Variants in GFPT1 observed in about 807,000 individuals in gnomAD.
The protein encoded by GFPT1 is glutamine--fructose-6-phosphate transaminase 1, also known as glutamine--fructose-6-phosphate aminotransferase [isomerizing] 1.
GFPT1 carries 40 observed loss-of-function variants against 92.0 expected under a neutral mutation model. The observed-to-expected ratio is 0.43, with a 90% CI of 0.34 to 0.57. The LOEUF (loss-of-function observed/expected upper bound fraction) is 0.57, where lower values mean the gene tolerates loss of function less well. Ranked by LOEUF, GFPT1 falls within the 20% of genes least tolerant of loss-of-function variation. The probability of loss-of-function intolerance (pLI) is 0.02; values close to 1 mark genes in which losing one functional copy is unlikely to be tolerated. For missense variants in GFPT1, 448 were observed against 869.1 expected (o/e 0.52, Z 6.09); for synonymous variants, 269 against 280.6 (o/e 0.96, Z 0.41).
chr2:69,354,130 T>C (rs1431909781), intron 9 of GFPT1, 129 bp downstream of exon 9: 2 of 547,588 alleles, frequency 3.7e-6, no homozygotes, highest in African/African-American at 3.8e-5. Context: ...TGTCAAAATA[T>C]GCTTCCCCAC....
rs147413918 is a variant in GFPT1, at chr2:69,365,678, T to C, written c.224-2008A>G. Among the ~76,000 whole-genome samples, 721 of 152,294 alleles carry C rather than the reference T, an allele frequency of 4.7e-3. 10 individuals carry two copies. The highest frequency in any genetic ancestry group is 0.012 in the Admixed American group (179 of 15,294). On this transcript the variant is annotated intron_variant, in intron 3 of 19. Transcript: ENST00000357308. ...TGGCTCAATCTATCAATGAATAAAC[T>C]CAGGCATCTATTCTTTCCTGGCTTA...
chr2:69,382,839 C>A (rs1056632752), intron 1 of GFPT1, among the ~76,000 whole-genome samples: 6 of 152,178 alleles, frequency 3.9e-5, no homozygotes, highest in Admixed American at 2.6e-4. Context: ...GAAACCCAAA[C>A]CCCAGAGCTC....
chr2:69,320,892 G>A lies in GFPT1; in HGVS notation c.*5297C>T, dbSNP rs763718729. On this transcript the variant is annotated 3_prime_UTR_variant, in exon 20 of 20. Coordinates refer to ENST00000357308, the MANE Select transcript of GFPT1 (RefSeq NM_001244710.2). ...GAGGGAGAGGTGGAGGAGGGAGAGA[G>A]AGAGAGAGACCAAAGACTGGGCTGA... The A allele has an allele frequency of 1.3e-5, 2 of 152,204 alleles. No homozygotes were observed. Among genetic ancestry groups the A allele is most frequent in the African/African-American group, 2.4e-5 (1 of 41,420 alleles). 9.4% of individuals were successfully genotyped at this position (152,204 alleles called of 1,614,324 possible).
At chr2:69,370,166 T>A (rs1671710125) in intron 2 of GFPT1, 58 bp from the exon 3 acceptor site, 1 of 970,722 alleles carries the variant, frequency 1.0e-6, no homozygotes, top group Non-Finnish European at 1.7e-6. Context: ...ATAAAATTAT[T>A]AATGTGAGGC....
At chr2:69,361,961 G>A (rs1188951118) in intron 4 of GFPT1, among the ~76,000 whole-genome samples, 3 of 152,110 alleles carry the variant, frequency 2.0e-5, no homozygotes, top group Admixed American at 6.6e-5. Context: ...CCTGGGTGGA[G>A]GAGTGAGACC....
At chr2:69,339,436 C>T (rs1436629586) in intron 13 of GFPT1, among the ~76,000 whole-genome samples, 1 of 152,280 alleles carries the variant, frequency 6.6e-6, no homozygotes, top group African/African-American at 2.4e-5. Flanking sequence ...CTGTGCAAAA[C>T]GTAGTTTAAC....
rs1426285273 is a variant in GFPT1, at chr2:69,321,064, C to A, written c.*5125G>T. On this transcript the variant is annotated 3_prime_UTR_variant, in exon 20 of 20. Transcript: ENST00000357308. ...AGGATTCTGTAAGGGAAACTTTGCT[C>A]TATAATTAACAGAGAGCCAGATATT... 1.3e-5 allele frequency: 2 copies of A among 152,226 alleles called. No individual in the cohort carries two copies. The highest frequency in any genetic ancestry group is 6.5e-5 in the Admixed American group (1 of 15,282). The allele number at this position is 152,226 out of a possible 1,614,324, so 9.4% of individuals were successfully genotyped here.
rs1000587018 is a variant in GFPT1 at position 69,354,623 on chromosome 2, T to C, written c.606-55A>G. 6.9e-6 allele frequency: 7 copies of C among 1,011,994 alleles called. No individual in the cohort carries two copies. The African/African-American group carries it at 9.5e-5, about 14-fold the overall frequency. The allele number at this position is 1,011,994 out of a possible 1,614,324, so 62.7% of individuals were successfully genotyped here. A position where few individuals can be genotyped will look rare whatever the true frequency, so the allele number is the denominator to read the frequency against. On this transcript the variant is annotated intron_variant, in intron 7 of 19. Coordinates refer to ENST00000357308, the MANE Select transcript of GFPT1 (RefSeq NM_001244710.2). ...ACCATTTTTATAAATAATGGACTAA[T>C]GACATAAAATTTAATGGGCCAATAC...
At chr2:69,360,068 C>T (rs957810434) in intron 4 of GFPT1, among the ~76,000 whole-genome samples, 2 of 152,104 alleles carry the variant, frequency 1.3e-5, no homozygotes, top group Admixed American at 1.3e-4. Context: ...TGGCTCATGC[C>T]TGTAATCCCA....
At chr2:69,370,750 A>G (rs1661030336) in intron 2 of GFPT1, among the ~76,000 whole-genome samples, 1 of 152,188 alleles carries the variant, frequency 6.6e-6, no homozygotes, top group African/African-American at 2.4e-5. Context: ...GAAAAGTGGA[A>G]CTGACTGAAT....
chr2:69,342,268 T>C lies in GFPT1; in HGVS notation c.1106-19A>G. 2 of 1,454,052 alleles carry C rather than the reference T, an allele frequency of 1.4e-6. No individual in the cohort carries two copies. The highest frequency in any genetic ancestry group is 1.9e-6 in the Non-Finnish European group (2 of 1,034,212). The allele number at this position is 1,454,052 out of a possible 1,614,324, so 90.1% of individuals were successfully genotyped here. A position where few individuals can be genotyped will look rare whatever the true frequency, so the allele number is the denominator to read the frequency against. Reference sequence around the variant, plus strand: ...AAATTCACTGAAATAAAAGTTTGTGTACATAATTATTTAGCAAAGAACCAT... The same window carrying C: ...AAATTCACTGAAATAAAAGTTTGTGCACATAATTATTTAGCAAAGAACCAT... On this transcript the variant is annotated intron_variant, in intron 12 of 19. Transcript: ENST00000357308.
intron 16 of GFPT1, 83 bp from the exon 17 acceptor site, chr2:69,329,507 G>A (rs1466067870): frequency 1.8e-6 from 2 of 1,113,702 alleles, no homozygotes; most frequent in Non-Finnish European, 2.7e-6. Flanking sequence ...CAAAAGACCA[G>A]TGTTTCTATT....
intron 15 of GFPT1, among the ~76,000 whole-genome samples, chr2:69,335,092 A>C (rs959832458): frequency 2.6e-5 from 4 of 152,014 alleles, no homozygotes; most frequent in African/African-American, 9.7e-5. Context: ...CTGCAGCCTC[A>C]AACTCTCAGG....
chr2:69,371,754 G>A (rs888783277), intron 2 of GFPT1, among the ~76,000 whole-genome samples: 59 of 151,286 alleles, frequency 3.9e-4, no homozygotes, highest in African/African-American at 1.3e-3. Flanking sequence ...GGAGAATGGC[G>A]TGAACCCGGG....
In GFPT1 at chr2:69,375,355, C is replaced by G. The variant is rs148553013; in HGVS notation, c.8-1242G>C. ...ACTCCCAAAAAACTAGTCTTCATTT[C>G]CATCTGAAAAGAGACATTTACTTCT... On this transcript the variant is annotated intron_variant, in intron 1 of 19. Transcript: ENST00000357308. 4.7e-3 allele frequency among the ~76,000 whole-genome samples: 720 copies of G among 152,264 alleles called. 10 individuals carry two copies. The highest frequency in any genetic ancestry group is 0.012 in the Admixed American group (180 of 15,288).
At chr2:69,370,152 A>C in intron 2 of GFPT1, 44 bp from the exon 3 acceptor site, 1 of 1,152,898 alleles carries the variant, frequency 8.7e-7, no homozygotes, top group Non-Finnish European at 1.3e-6. Flanking sequence ...GAAACTGGCT[A>C]CTGATAAAAT....
At chr2:69,385,740 TCTA>T (rs1672114722) in intron 1 of GFPT1, among the ~76,000 whole-genome samples, 3 of 152,204 alleles carry the variant, frequency 2.0e-5, no homozygotes, top group African/African-American at 7.2e-5. Context: ...GCAAAACCAT[TCTA>T]CTAAGTAGAC....
chr2:69,330,973 C>T (rs889985039), intron 15 of GFPT1, among the ~76,000 whole-genome samples: 16 of 152,138 alleles, frequency 1.1e-4, no homozygotes, highest in Non-Finnish European at 5.9e-5. Context: ...GACACACAGG[C>T]TCAAAACGTA....
rs1319465862 is a variant in GFPT1 at position 69,345,938 on chromosome 2, T to G, written c.1071A>C (p.Thr357=). 1.2e-6 allele frequency: 2 copies of G among 1,600,582 alleles called. No homozygotes were observed. The highest frequency in any genetic ancestry group is 1.7e-6 in the Non-Finnish European group (2 of 1,167,688). ...CATCAAAGTTGACTCTTCCTCTCATTGTGTTCACGACAGACTCTGGCTGCT... is the reference window on the plus strand; with the variant it reads ...CATCAAAGTTGACTCTTCCTCTCATGGTGTTCACGACAGACTCTGGCTGCT... ...IFEQPESVVN[T]MRGRVNFDDY... The change falls in exon 12 of 20, where the codon ACA becomes ACC. Residue 357 remains threonine (T), a synonymous_variant. Transcript: ENST00000357308.
Sources: gnomAD v4.1 joint callset for allele counts (sites outside exome capture counted in the v4.1 genomes callset) on GRCh38, gnomAD v4.1.1 for gene constraint, MANE v1.5 for transcripts, NCBI Gene and HGNC (gene_info 2026-07-23, HGNC 2026-07-21) for gene names.